Variants in BBS1 observed in about 807,000 individuals in gnomAD.
BBS1 encodes the protein BBSome complex member BBS1.
BBS1 carries 60 observed loss-of-function variants against 73.9 expected under a neutral mutation model. That is an observed-to-expected ratio of 0.81 (90% CI 0.66 to 1.01). The LOEUF is 1.01. BBS1 is among the 50% of genes least tolerant of loss of function. The pLI is 0.00. For synonymous variants in BBS1, 283 were observed against 317.4 expected (o/e 0.89, Z 1.15); for missense variants, 718 against 770.3 (o/e 0.93, Z 0.80).
chr11:66,513,266 T>C (rs1252309060), intron 3 of BBS1, among the ~76,000 whole-genome samples: 1 of 151,486 alleles, frequency 6.6e-6, no homozygotes, highest in Non-Finnish European at 1.5e-5. Context: ...GGAAGGCATT[T>C]CAGGTAGAAG....
chr11:66,524,997 G>A (rs758329184), intron 11 of BBS1, among the ~76,000 whole-genome samples: 20 of 152,008 alleles, frequency 1.3e-4, no homozygotes, highest in Non-Finnish European at 2.4e-4. Context: ...TCAGGAGATG[G>A]AGACCATCCT....
At chr11:66,519,527 G>T (rs1856134375) in intron 7 of BBS1, 90 bp from the exon 8 acceptor site, 4 of 1,567,126 alleles carry the variant, frequency 2.6e-6, no homozygotes, top group Admixed American at 1.7e-5. Context: ...ATCCTCCTTT[G>T]CCCTCTTTCT....
rs530230180 is a variant in BBS1 at position 66,515,188 on chromosome 11, A to C, written c.433-352A>C. ...ATGGCTCCCAGAGAGGCACTGAGCC[A>C]GTTCTCTTGGAGAGTGGAACCCAGA... On this transcript the variant is annotated intron_variant, in intron 4 of 16. Transcript: ENST00000318312. Among the ~76,000 whole-genome samples the C allele has an allele frequency of 2.6e-5, 4 of 152,144 alleles. 1 individual carries two copies. In the South Asian group the frequency reaches 8.3e-4, roughly 32 times the overall value.
intron 2 of BBS1, 44 bp from the exon 3 acceptor site, chr11:66,511,161 C>G: frequency 6.2e-7 from 1 of 1,614,022 alleles, no homozygotes; most frequent in Non-Finnish European, 8.5e-7. Flanking sequence ...GTAGTGAAGC[C>G]TCTGGGATTC....
rs149023846 is a variant in BBS1, at chr11:66,515,635, C to A, written c.479+49C>A. 114 of 1,614,190 alleles carry A rather than the reference C, an allele frequency of 7.1e-5. No individual in the cohort carries two copies. In the African/African-American group the frequency reaches 1.2e-3, roughly 17 times the overall value. On this transcript the variant is annotated intron_variant, in intron 5 of 16. Coordinates refer to ENST00000318312, the MANE Select transcript of BBS1 (RefSeq NM_024649.5). ...TACCCCCCTCACTCCTTCATCCCAT[C>A]TGAGCCCCAGGGCCCCATTCTTCCA...
At chr11:66,516,160 C>T (rs1259595321) in intron 7 of BBS1, among the ~76,000 whole-genome samples, 1 of 125,774 alleles carries the variant, frequency 8.0e-6, no homozygotes, top group South Asian at 2.5e-4. Flanking sequence ...CAGTCTTGCT[C>T]TGTCACCCAG....
chr11:66,521,096 CT>C, intron 8 of BBS1, 173 bp from the exon 9 acceptor site: 1 of 669,902 alleles, frequency 1.5e-6, no homozygotes, highest in Non-Finnish European at 2.7e-6. Context: ...GACTAAAAGG[CT>C]TTTGCTAAAT....
intron 3 of BBS1, among the ~76,000 whole-genome samples, chr11:66,512,034 A>G (rs1454466357): frequency 3.4e-5 from 5 of 146,864 alleles, no homozygotes; most frequent in African/African-American, 1.2e-4. Context: ...ATATATATGT[A>G]TATATATGTA....
chr11:66,529,299 A>C, intron 13 of BBS1: 1 of 1,535,750 alleles, frequency 6.5e-7, no homozygotes, highest in Non-Finnish European at 8.7e-7. Flanking sequence ...GGAGGCAGTG[A>C]CGGAGGCAGG....
Position 66,532,044 on chromosome 11 carries a change from A to G in BBS1, c.*7A>G, listed in dbSNP as rs8432. 945,761 of 1,594,354 alleles carry G rather than the reference A, an allele frequency of 0.59. 286,667 individuals carry two copies. Among genetic ancestry groups the G allele is most frequent in the African/African-American group, 0.86 (63,923 of 74,482 alleles). ...GGGGCTGGCGGCCGCCTGAGACCTG[A>G]GCTGCTGTGAAAGCCCCTGCACAAT... On this transcript the variant is annotated 3_prime_UTR_variant, in exon 17 of 17. Transcript: ENST00000318312.
intron 12 of BBS1, 140 bp downstream of exon 12, chr11:66,526,332 GGAGC>G: frequency 1.1e-6 from 1 of 901,090 alleles, no homozygotes; most frequent in Non-Finnish European, 1.7e-6. Context: ...GTGTCCTTCT[GGAGC>G]TAGGCCTCCA....
chr11:66,514,590 A>AT lies in BBS1; in HGVS notation c.345dup (p.Lys116Ter), dbSNP rs1555046611. ...GCTTCAGGCCCTTGTGTCTATGTGT[A>AT]TAAGAATCTCAGACCCTACTTCAAG... On this transcript the variant is annotated frameshift_variant, in exon 4 of 17. Transcript: ENST00000318312. LOFTEE classifies it high-confidence loss of function. 1.2e-6 allele frequency: 2 copies of AT among 1,614,050 alleles called. No homozygotes were observed. The highest frequency in any genetic ancestry group is 2.7e-5 in the African/African-American group (2 of 75,048).
Position 66,512,787 on chromosome 11 carries a change from C to T in BBS1, c.159+1548C>T, listed in dbSNP as rs567911534. Among the ~76,000 whole-genome samples the T allele has an allele frequency of 2.6e-5, 4 of 152,130 alleles. No homozygotes were observed. In the South Asian group the frequency reaches 8.3e-4, roughly 32 times the overall value. ...AGGAGTTTGAGACCAGCCTGGACAA[C>T]ATGGTGAAACCCTGTCTGTACTAAA... On this transcript the variant is annotated intron_variant, in intron 3 of 16. Coordinates refer to ENST00000318312, the MANE Select transcript of BBS1 (RefSeq NM_024649.5).
chr11:66,515,040 A>C (rs1233295632), intron 4 of BBS1, among the ~76,000 whole-genome samples: 1 of 151,256 alleles, frequency 6.6e-6, no homozygotes, highest in African/African-American at 2.4e-5. Flanking sequence ...CTGGTCTTGA[A>C]CTCCTGGCCT....
intron 13 of BBS1, chr11:66,527,064 G>T: frequency 1.3e-6 from 2 of 1,510,104 alleles, no homozygotes. Context: ...ACTTCCAAAC[G>T]CAGGAATTCT....
chr11:66,514,714 C>A (rs757666534), intron 4 of BBS1, 36 bp downstream of exon 4: 5 of 1,603,050 alleles, frequency 3.1e-6, no homozygotes, highest in Non-Finnish European at 4.2e-6. Flanking sequence ...AACCAGAAGG[C>A]AAAGATGGCA....
intron 14 of BBS1, among the ~76,000 whole-genome samples, chr11:66,530,402 G>A (rs1396391585): frequency 1.3e-5 from 2 of 152,068 alleles, no homozygotes; most frequent in African/African-American, 4.8e-5. Flanking sequence ...GAGGAACCCC[G>A]CAAGGCTCAG....
chr11:66,516,048 A>C, intron 7 of BBS1, 115 bp downstream of exon 7: 2 of 989,754 alleles, frequency 2.0e-6, no homozygotes, highest in East Asian at 2.7e-5. Flanking sequence ...TCTTTGCTAT[A>C]TCCCTTCCAG....
At chr11:66,516,029 A>C in intron 7 of BBS1, 96 bp downstream of exon 7, 2 of 1,207,794 alleles carry the variant, frequency 1.7e-6, no homozygotes, top group Non-Finnish European at 1.2e-6. Context: ...AGCAAACCCA[A>C]CCAGTATCTC....
Sources: allele counts gnomAD v4.1 joint callset (sites outside exome capture counted in the v4.1 genomes callset), GRCh38; gene constraint gnomAD v4.1.1; transcripts MANE v1.5; gene names NCBI Gene and HGNC (gene_info 2026-07-23, HGNC 2026-07-21).